The following LY75 variants were observed in gnomAD, a reference collection of about 807,000 sequenced individuals.
The protein encoded by LY75 is C-type lectin domain family 13 member B.
In LY75, 185 loss-of-function variants were observed where a neutral mutation model predicts 231.7. The observed-to-expected ratio is 0.80, with a 90% confidence interval of 0.71 to 0.90. The LOEUF (loss-of-function observed/expected upper bound fraction) is 0.90. LY75 is among the 40% of genes least tolerant of loss of function. The probability of loss-of-function intolerance (pLI) is 0.00; values close to 1 mark genes in which losing one functional copy is unlikely to be tolerated. For synonymous variants in LY75, 668 were observed against 689.0 expected, an observed-to-expected ratio of 0.97 and a Z score of 0.48; for missense variants, 1,947 against 2,050.2, an observed-to-expected ratio of 0.95 and a Z score of 0.97.
Position 159,854,485 on chromosome 2 carries a change from A to T in LY75, c.2470T>A (p.Trp824Arg). Residue 824 changes from tryptophan (W) to arginine (R), a missense_variant, in exon 18 of 35, where the codon TGG (tryptophan) becomes AGG (arginine). Physicochemically the swap from Trp to Arg is moderately radical, Grantham distance 101. Coordinates refer to ENST00000263636, the MANE Select transcript of LY75 (RefSeq NM_002349.4). ...PPLIIEGSEY[W>R]FVADLHLNYE... ...TTTAGGTGAAGATCAGCAACAAACCAATATTCACTTCCTTCAATTATAAGT... is the reference window on the plus strand; with the variant it reads ...TTTAGGTGAAGATCAGCAACAAACCTATATTCACTTCCTTCAATTATAAGT... 1 of 1,613,622 alleles carries T rather than the reference A, an allele frequency of 6.2e-7. No homozygotes were observed. Among genetic ancestry groups the T allele is most frequent in the Non-Finnish European group, 8.5e-7 (1 of 1,179,640 alleles).
Position 159,813,057 on chromosome 2 carries a change from C to T in LY75, c.4549+2348G>A, listed in dbSNP as rs928402184. Among the ~76,000 whole-genome samples, 11 of 152,334 alleles carry T rather than the reference C, an allele frequency of 7.2e-5. No homozygotes were observed. In the East Asian group the frequency reaches 1.2e-3, roughly 16 times the overall value. Reference sequence around the variant, plus strand: ...TCCTTTTTAAGGCTTCTTATCCATTCGTCCATCCATGGACACTTGGGTTGC... The same window carrying T: ...TCCTTTTTAAGGCTTCTTATCCATTTGTCCATCCATGGACACTTGGGTTGC... On this transcript the variant is annotated intron_variant, in intron 31 of 34. Coordinates refer to ENST00000263636, the MANE Select transcript of LY75 (RefSeq NM_002349.4).
At chr2:159,880,506 C>A (rs1262016625) in intron 8 of LY75, among the ~76,000 whole-genome samples, 2 of 152,200 alleles carry the variant, frequency 1.3e-5, no homozygotes, top group Non-Finnish European at 2.9e-5. Context: ...TGAGAGAAAG[C>A]AGGTTGCTAG....
At chr2:159,858,773 C>G (rs571716314) in intron 15 of LY75, among the ~76,000 whole-genome samples, 1 of 152,154 alleles carries the variant, frequency 6.6e-6, no homozygotes, top group Admixed American at 6.6e-5. Flanking sequence ...ATCCAAGCAC[C>G]AAGCTGTGAT....
intron 23 of LY75, among the ~76,000 whole-genome samples, chr2:159,844,296 T>C (rs970595745): frequency 7.9e-5 from 11 of 138,444 alleles, no homozygotes; most frequent in African/African-American, 3.0e-4. Flanking sequence ...TCTACTAATA[T>C]ATACCACGTA....
intron 19 of LY75, 70 bp downstream of exon 19, chr2:159,853,560 C>A (rs1684465822): frequency 6.2e-7 from 1 of 1,600,810 alleles, no homozygotes; most frequent in Non-Finnish European, 8.5e-7. Context: ...AAATAGAAAT[C>A]CATTTAGTAA....
In LY75 at chr2:159,860,889, C is replaced by T. The variant is rs768818335; in HGVS notation, c.2200G>A (p.Val734Met). 6.2e-7 allele frequency: 1 copy of T among 1,613,826 alleles called. No individual in the cohort carries two copies. The highest frequency in any genetic ancestry group is 8.5e-7 in the Non-Finnish European group (1 of 1,179,826). Residue 734 changes from valine (V) to methionine (M), a missense_variant and splice_region_variant, in exon 15 of 35, where the codon GTG (valine) becomes ATG (methionine). Transcript: ENST00000263636. ...TCATTTGGCATGATAATAGTAGACA[C>T]CTGAAAAGACAAGAGAGGCTTGAGA... ...GSWQWSDRTP[V>M]STIIMPNEFQ... is the part of the protein sequence containing the mutation.
chr2:159,805,270 T>C (rs1366851826), intron 34 of LY75, 48 bp from the exon 35 acceptor site: 3 of 1,436,300 alleles, frequency 2.1e-6, no homozygotes, highest in Non-Finnish European at 2.9e-6. Context: ...ACAAAAGTGA[T>C]CATTATTGAT....
Position 159,815,411 on chromosome 2 carries a change from T to C in LY75, c.4543A>G (p.Thr1515Ala), listed in dbSNP as rs975359417. The change falls in exon 31 of 35, where the codon ACA becomes GCA. Residue 1515 changes from threonine to alanine, a missense_variant. Coordinates refer to ENST00000263636, the MANE Select transcript of LY75 (RefSeq NM_002349.4). ...VKDGAICYKP[T>A]KSKKLSRLTY... ...ACTGAAATTGAAGTCTTACATTTTG[T>C]AGGTTTATAACAAATAGCACCATCC... The C allele has an allele frequency of 2.5e-6, 4 of 1,591,070 alleles. No individual in the cohort carries two copies. Among genetic ancestry groups the C allele is most frequent in the Admixed American group, 1.9e-5 (1 of 52,586 alleles).
intron 14 of LY75, among the ~76,000 whole-genome samples, chr2:159,863,014 CT>C (rs542539715): frequency 0.011 from 1,592 of 142,086 alleles, 10 homozygotes; most frequent in Middle Eastern, 0.051. Flanking sequence ...CTATGAGATC[CT>C]TTTTTTTTTT....
At chr2:159,818,231 A>T (rs981568327) in intron 29 of LY75, among the ~76,000 whole-genome samples, 2 of 152,150 alleles carry the variant, frequency 1.3e-5, no homozygotes, top group African/African-American at 4.8e-5. Context: ...GAAAGAAGAC[A>T]GTATGGAAAG....
At chr2:159,841,729 TAATACTC>T (rs1443594554) in intron 24 of LY75, among the ~76,000 whole-genome samples, 3 of 152,240 alleles carry the variant, frequency 2.0e-5, no homozygotes, top group Non-Finnish European at 4.4e-5. Context: ...TTAGTGGACT[TAATACTC>T]AATACTGCAC....
intron 15 of LY75, among the ~76,000 whole-genome samples, chr2:159,859,117 A>G (rs1249072687): frequency 6.6e-6 from 1 of 152,186 alleles, no homozygotes. Context: ...TAGATTTTCA[A>G]ATCTCTCCAT....
chr2:159,823,330 A>C (rs1475425974), intron 28 of LY75, among the ~76,000 whole-genome samples: 1 of 152,260 alleles, frequency 6.6e-6, no homozygotes, highest in Non-Finnish European at 1.5e-5. Context: ...GAATTGATCA[A>C]GCGGAAGAAA....
Position 159,834,045 on chromosome 2 carries a change from C to T in LY75, c.3840G>A (p.Leu1280=). The part of the protein sequence containing the change: ...QDEVHTKCQK[L]NPKSHILSIR... Reference sequence around the variant, plus strand: ...AGAATGGACTAATATAATACTTACTCAGTTTCTGGCATTTAGTATGAACTT... The same window carrying T: ...AGAATGGACTAATATAATACTTACTTAGTTTCTGGCATTTAGTATGAACTT... The change falls in exon 27 of 35, where the codon CTG becomes CTA. Residue 1280 remains leucine, a splice_region_variant and synonymous_variant. Coordinates refer to ENST00000263636, the MANE Select transcript of LY75 (RefSeq NM_002349.4). The T allele has an allele frequency of 6.2e-7, 1 of 1,613,106 alleles. No homozygotes were observed. The highest frequency in any genetic ancestry group is 1.1e-5 in the South Asian group (1 of 90,928).
chr2:159,839,959 T>C (rs979052769), intron 25 of LY75, among the ~76,000 whole-genome samples: 3 of 132,862 alleles, frequency 2.3e-5, no homozygotes, highest in East Asian at 2.3e-4. Context: ...TGAGCCGAGA[T>C]TGCACCACTG....
chr2:159,873,740 A>G (rs1685089509), intron 12 of LY75, among the ~76,000 whole-genome samples: 1 of 130,928 alleles, frequency 7.6e-6, no homozygotes, highest in African/African-American at 3.4e-5. Context: ...ACATAAATAT[A>G]TACATTTTGT....
chr2:159,805,383 G>A lies in LY75; in HGVS notation c.4991-161C>T, dbSNP rs147193967. Among the ~76,000 whole-genome samples, 686 of 152,228 alleles carry A rather than the reference G, an allele frequency of 4.5e-3. 10 individuals are homozygous for A. Among genetic ancestry groups the A allele is most frequent in the South Asian group, 0.016 (79 of 4,822 alleles). On this transcript the variant is annotated intron_variant, in intron 34 of 34. Coordinates refer to ENST00000263636, the MANE Select transcript of LY75 (RefSeq NM_002349.4). ...CGCTAACATAGAATTCAAACTCATC[G>A]TCAGATCAAAAGAAACACTTAAGTG...
At chr2:159,897,717 T>C (rs572588428) in intron 2 of LY75, among the ~76,000 whole-genome samples, 33 of 152,226 alleles carry the variant, frequency 2.2e-4, no homozygotes, top group Admixed American at 2.0e-3. Flanking sequence ...CAAGGGGAAA[T>C]AATAGGACTT....
chr2:159,810,178 T>A (rs1353371125), intron 32 of LY75, among the ~76,000 whole-genome samples: 1 of 151,906 alleles, frequency 6.6e-6, no homozygotes, highest in Non-Finnish European at 1.5e-5. Context: ...GGACTACAGG[T>A]GTGTGCGACC....
Sources: allele counts gnomAD v4.1 joint callset (sites outside exome capture counted in the v4.1 genomes callset), GRCh38; gene constraint gnomAD v4.1.1; transcripts MANE v1.5; gene names NCBI Gene and HGNC (gene_info 2026-07-23, HGNC 2026-07-21).